Variants in KCNH7 observed in about 807,000 individuals in gnomAD.
KCNH7 encodes voltage-gated inwardly rectifying potassium channel KCNH7.
In KCNH7, 49 loss-of-function variants were observed where a neutral mutation model predicts 120.8. That is an observed-to-expected ratio of 0.41 (90% CI 0.32 to 0.51). KCNH7 has a LOEUF of 0.51. KCNH7 is among the 20% of genes least tolerant of loss of function. The pLI is 0.38. For synonymous variants in KCNH7, 547 were observed against 516.1 expected (o/e 1.06, Z -0.81); for missense variants, 1,097 against 1,446.6 (o/e 0.76, Z 3.92).
chr2:162,570,308 CTTTGTTGGTT>C (rs1442025615), intron 2 of KCNH7, among the ~76,000 whole-genome samples: 1 of 151,398 alleles, frequency 6.6e-6, no homozygotes, highest in Non-Finnish European at 1.5e-5. Flanking sequence ...TTCTTTTGAT[CTTTGTTGGTT>C]TAAAGTCTGT....
intron 2 of KCNH7, among the ~76,000 whole-genome samples, chr2:162,615,600 T>C (rs1157964547): frequency 2.6e-5 from 4 of 152,200 alleles, no homozygotes; most frequent in Non-Finnish European, 5.9e-5. Flanking sequence ...TTACACAGTA[T>C]ACAAATAGAA....
chr2:162,675,684 T>C (rs1685510427), intron 2 of KCNH7, among the ~76,000 whole-genome samples: 1 of 151,454 alleles, frequency 6.6e-6, no homozygotes, highest in African/African-American at 2.4e-5. Flanking sequence ...AACCATATGG[T>C]TTACTGATAT....
At chr2:162,564,107 A>T (rs879924613) in intron 2 of KCNH7, among the ~76,000 whole-genome samples, 3 of 152,150 alleles carry the variant, frequency 2.0e-5, no homozygotes, top group Non-Finnish European at 4.4e-5. Context: ...AGTTTACTTT[A>T]GAAAACTTCT....
At chr2:162,797,644 T>C (rs566456034) in intron 2 of KCNH7, 7 of 152,180 alleles carry the variant, frequency 4.6e-5, no homozygotes, top group African/African-American at 1.7e-4. Context: ...ATCTGTGACA[T>C]AGATGTTAAA....
At chr2:162,621,277 T>TTTTTTTTTG in intron 2 of KCNH7, among the ~76,000 whole-genome samples, 1 of 143,098 alleles carries the variant, frequency 7.0e-6, no homozygotes, top group African/African-American at 2.6e-5. Context: ...TTTTTTTTTT[T>TTTTTTTTTG]AAGAGAGAGA....
chr2:162,753,004 A>G (rs1688649317), intron 2 of KCNH7, among the ~76,000 whole-genome samples: 2 of 147,800 alleles, frequency 1.4e-5, no homozygotes, highest in Non-Finnish European at 3.0e-5. Context: ...AAAAGAAAAG[A>G]AAAGAAAAGA....
chr2:162,614,745 A>G (rs2105978247), intron 2 of KCNH7, among the ~76,000 whole-genome samples: 1 of 149,310 alleles, frequency 6.7e-6, no homozygotes, highest in African/African-American at 2.4e-5. Flanking sequence ...GTGAAGTATA[A>G]AACATGACAG....
At chr2:162,426,214 TAAAAA>T (rs751111957) in intron 8 of KCNH7, among the ~76,000 whole-genome samples, 1 of 118,964 alleles carries the variant, frequency 8.4e-6, no homozygotes, top group African/African-American at 3.1e-5. Flanking sequence ...ACCCTATCTT[TAAAAA>T]AAAAAAAAAA....
intron 2 of KCNH7, among the ~76,000 whole-genome samples, chr2:162,538,510 C>A (rs2105829682): frequency 6.6e-6 from 1 of 152,122 alleles, no homozygotes; most frequent in East Asian, 1.9e-4. Context: ...CCCCTGGAGG[C>A]TGGAGACAGG....
chr2:162,415,289 T>G (rs1687506685), intron 9 of KCNH7, among the ~76,000 whole-genome samples: 1 of 152,104 alleles, frequency 6.6e-6, no homozygotes, highest in Admixed American at 6.6e-5. Context: ...CTATATAAAT[T>G]TTGCTTCAGT....
chr2:162,636,348 T>C (rs1683963163), intron 2 of KCNH7, among the ~76,000 whole-genome samples: 1 of 152,130 alleles, frequency 6.6e-6, no homozygotes, highest in Non-Finnish European at 1.5e-5. Context: ...ATTCTGTTTG[T>C]AAGACAGTCA....
chr2:162,610,796 C>T (rs192863210), intron 2 of KCNH7, among the ~76,000 whole-genome samples: 10 of 152,204 alleles, frequency 6.6e-5, no homozygotes, highest in African/African-American at 1.7e-4. Flanking sequence ...ACTTTCCCCA[C>T]GGTAGGGAGA....
At chr2:162,679,492 T>C (rs1338750867) in intron 2 of KCNH7, among the ~76,000 whole-genome samples, 2 of 151,670 alleles carry the variant, frequency 1.3e-5, no homozygotes, top group African/African-American at 2.4e-5. Context: ...TATTATTCTA[T>C]ACTAATGCAT....
At chr2:162,514,564 C>G (rs890943416) in intron 4 of KCNH7, among the ~76,000 whole-genome samples, 1 of 151,712 alleles carries the variant, frequency 6.6e-6, no homozygotes, top group Non-Finnish European at 1.5e-5. Context: ...AATGCAAGTA[C>G]AGAAATTGGA....
intron 9 of KCNH7, among the ~76,000 whole-genome samples, chr2:162,406,266 A>G (rs1687216669): frequency 6.6e-6 from 1 of 151,768 alleles, no homozygotes; most frequent in Non-Finnish European, 1.5e-5. Context: ...AAACTCCTGT[A>G]TTTGCTTTCT....
intron 2 of KCNH7, among the ~76,000 whole-genome samples, chr2:162,759,594 T>C (rs1260921258): frequency 1.3e-5 from 2 of 151,646 alleles, no homozygotes; most frequent in Admixed American, 6.6e-5. Flanking sequence ...CTGATGTTGA[T>C]TGGAAATAAG....
intron 9 of KCNH7, among the ~76,000 whole-genome samples, chr2:162,419,670 T>C (rs770449842): frequency 6.6e-6 from 1 of 152,116 alleles, no homozygotes; most frequent in Non-Finnish European, 1.5e-5. Flanking sequence ...ATTTTTTCCA[T>C]GCAATTATAA....
intron 13 of KCNH7, among the ~76,000 whole-genome samples, chr2:162,384,245 A>C (rs1296025981): frequency 8.6e-5 from 13 of 151,990 alleles, no homozygotes; most frequent in Non-Finnish European, 1.5e-4. Flanking sequence ...TATTCTCTGT[A>C]AAATTAAATT....
intron 6 of KCNH7, among the ~76,000 whole-genome samples, chr2:162,464,330 T>A (rs2105615586): frequency 6.6e-6 from 1 of 152,066 alleles, no homozygotes; most frequent in East Asian, 1.9e-4. Context: ...TCATGAGAAA[T>A]TTTTTTAGCT....
Sources: gnomAD v4.1 joint callset for allele counts (sites outside exome capture counted in the v4.1 genomes callset) on GRCh38, gnomAD v4.1.1 for gene constraint, MANE v1.5 for transcripts, NCBI Gene and HGNC (gene_info 2026-07-23, HGNC 2026-07-21) for gene names.